Variants in NCR2 observed in about 807,000 individuals in gnomAD.
The protein encoded by NCR2 is natural cytotoxicity triggering receptor 2.
In NCR2, 35 loss-of-function variants were observed where a neutral mutation model predicts 30.7. The ratio of observed to expected loss-of-function variants is 1.14; its 90% CI spans 0.87 to 1.51. NCR2 has a LOEUF of 1.51. Among genes scored for constraint, NCR2 ranks in the 40% most tolerant of loss-of-function variants. NCR2 has a pLI of 0.00. For synonymous variants in NCR2, 146 were observed against 134.8 expected (o/e 1.08, Z -0.58); for missense variants, 316 against 328.9 (o/e 0.96, Z 0.30).
intron 4 of NCR2, among the ~76,000 whole-genome samples, chr6:41,348,092 T>C: frequency 6.6e-6 from 1 of 152,210 alleles, no homozygotes; most frequent in East Asian, 1.9e-4. Flanking sequence ...CCCAATGGGA[T>C]TCGCCTCCAA....
At chr6:41,338,709 G>GA in intron 2 of NCR2, among the ~76,000 whole-genome samples, 1 of 152,310 alleles carries the variant, frequency 6.6e-6, no homozygotes, top group South Asian at 2.1e-4. Context: ...AAATTGCCAT[G>GA]AAAAATACTT....
intron 2 of NCR2, among the ~76,000 whole-genome samples, chr6:41,340,084 TAATA>T (rs1216355988): frequency 3.3e-5 from 5 of 152,198 alleles, no homozygotes; most frequent in African/African-American, 9.6e-5. Context: ...ATTGTAAAAA[TAATA>T]AATCATAAAA....
intron 2 of NCR2, among the ~76,000 whole-genome samples, chr6:41,340,499 T>A (rs1019379136): frequency 2.0e-4 from 31 of 152,152 alleles, no homozygotes; most frequent in Non-Finnish European, 4.0e-4. Flanking sequence ...CACTGTAACA[T>A]GGCTCTGGCA....
At chr6:41,346,084 C>A (rs1028199643) in intron 4 of NCR2, among the ~76,000 whole-genome samples, 1 of 152,070 alleles carries the variant, frequency 6.6e-6, no homozygotes, top group Non-Finnish European at 1.5e-5. Flanking sequence ...TGTGGGTGAC[C>A]ACCCATCATC....
intron 2 of NCR2, among the ~76,000 whole-genome samples, chr6:41,338,151 A>C (rs773396647): frequency 7.2e-5 from 11 of 152,228 alleles, no homozygotes; most frequent in Non-Finnish European, 1.2e-4. Context: ...TCAGAACTAC[A>C]GTATAAACAA....
At chr6:41,341,678 T>C in intron 2 of NCR2, 116 bp from the exon 3 acceptor site, 1 of 1,337,762 alleles carries the variant, frequency 7.5e-7, no homozygotes, top group Non-Finnish European at 1.0e-6. Flanking sequence ...AGTTTTCTTC[T>C]CTGGGCGCAT....
chr6:41,338,137 A>G (rs567139367), intron 2 of NCR2, among the ~76,000 whole-genome samples: 3 of 152,210 alleles, frequency 2.0e-5, no homozygotes, highest in Non-Finnish European at 4.4e-5. Context: ...TGGAAATATT[A>G]ACTTCAGAAC....
intron 4 of NCR2, among the ~76,000 whole-genome samples, chr6:41,347,376 A>T (rs750405771): frequency 6.6e-6 from 1 of 152,180 alleles, no homozygotes; most frequent in Non-Finnish European, 1.5e-5. Context: ...TGTCCTCTGC[A>T]GCAAGGGCCC....
In NCR2 at chr6:41,342,025, C is replaced by A. The variant is rs757160131; in HGVS notation, c.531-11C>A. 1 of 1,613,872 alleles carries A rather than the reference C, an allele frequency of 6.2e-7. No homozygotes were observed. The highest frequency in any genetic ancestry group is 1.3e-5 in the African/African-American group (1 of 74,924). ...CCCGTCCTCTCCCCTTCCTGTCCCT[C>A]TGCCTTCCAGGCCACAGAACTCCAC... On this transcript the variant is annotated splice_polypyrimidine_tract_variant and intron_variant, in intron 3 of 4. Transcript: ENST00000373089.
chr6:41,336,384 ACTCTGT>A lies in NCR2; in HGVS notation c.355_360del (p.Val119_Ser120del), dbSNP rs765953051. ...TGTAGAATCTACCGCCCTTCTGACA[ACTCTGT>A]CTCTAAGTCCGTCAGATTCTATCTG... On this transcript the variant is annotated inframe_deletion, in exon 2 of 5. Transcript: ENST00000373089. The A allele has an allele frequency of 6.2e-7, 1 of 1,613,782 alleles. No individual in the cohort carries two copies.
intron 2 of NCR2, among the ~76,000 whole-genome samples, chr6:41,340,935 G>A (rs928625992): frequency 2.6e-5 from 4 of 152,050 alleles, no homozygotes; most frequent in African/African-American, 4.8e-5. Flanking sequence ...TCTCTGGGAC[G>A]AGGAATGACT....
chr6:41,343,079 T>C, intron 4 of NCR2: 1 of 1,405,246 alleles, frequency 7.1e-7, no homozygotes, highest in African/African-American at 1.4e-5. Context: ...CCCTGACTTC[T>C]GACCTCTGCT....
intron 2 of NCR2, among the ~76,000 whole-genome samples, chr6:41,336,857 G>C (rs958981697): frequency 6.6e-6 from 1 of 151,792 alleles, no homozygotes; most frequent in Non-Finnish European, 1.5e-5. Flanking sequence ...CGGGGACTAA[G>C]AATGAGTGAA....
intron 4 of NCR2, among the ~76,000 whole-genome samples, chr6:41,345,315 A>C (rs983450800): frequency 6.6e-6 from 1 of 152,024 alleles, no homozygotes; most frequent in South Asian, 2.1e-4. Context: ...CAAGGTAAAA[A>C]TGACTTCCCT....
intron 2 of NCR2, among the ~76,000 whole-genome samples, chr6:41,340,031 C>T (rs1769130480): frequency 6.6e-6 from 1 of 151,966 alleles, no homozygotes; most frequent in Non-Finnish European, 1.5e-5. Context: ...TCATGTTACA[C>T]TCTAAATTTT....
rs150088550 is a variant in NCR2 at position 41,341,947 on chromosome 6, C to T, written c.530+18C>T. 3.0e-4 allele frequency: 480 copies of T among 1,612,594 alleles called. 3 individuals are homozygous for T. In the African/African-American group the frequency reaches 4.2e-3, roughly 14 times the overall value. Reference sequence around the variant, plus strand: ...CCTTCACAGTGAGTTTCGGGGTGCCCGTAGCCACACAGGCCTGGGCGGGGG... The same window carrying T: ...CCTTCACAGTGAGTTTCGGGGTGCCTGTAGCCACACAGGCCTGGGCGGGGG... On this transcript the variant is annotated intron_variant, in intron 3 of 4. Transcript: ENST00000373089.
chr6:41,344,026 C>A (rs919496071), intron 4 of NCR2, among the ~76,000 whole-genome samples: 6 of 152,178 alleles, frequency 3.9e-5, no homozygotes, highest in Non-Finnish European at 7.3e-5. Flanking sequence ...CCTCCTCCCC[C>A]TTTCCAAGCC....
At chr6:41,343,095 C>A (rs1769217759) in intron 4 of NCR2, 3 of 1,338,628 alleles carry the variant, frequency 2.2e-6, no homozygotes, top group Admixed American at 4.2e-5. Context: ...CTGCTGTTAT[C>A]CGCAAAGAAA....
At chr6:41,336,956 G>A (rs1313499723) in intron 2 of NCR2, among the ~76,000 whole-genome samples, 1 of 152,152 alleles carries the variant, frequency 6.6e-6, no homozygotes, top group East Asian at 1.9e-4. Flanking sequence ...TATAAGTGGA[G>A]TTATTTTTTG....
Sources: gnomAD v4.1 joint callset for allele counts (sites outside exome capture counted in the v4.1 genomes callset) on GRCh38, gnomAD v4.1.1 for gene constraint, MANE v1.5 for transcripts, NCBI Gene and HGNC (gene_info 2026-07-23, HGNC 2026-07-21) for gene names.